Variants in DNM2 observed in about 807,000 individuals in gnomAD.
DNM2 encodes dynamin 2, also known as dynamin-2.
DNM2 carries 15 observed loss-of-function variants against 99.0 expected under a neutral mutation model. The observed-to-expected ratio is 0.15, with a 90% CI of 0.10 to 0.23. The LOEUF is 0.23. Among genes scored for constraint, DNM2 ranks in the 10% least tolerant of loss-of-function variants. DNM2 has a pLI of 1.00. For synonymous variants in DNM2, 525 were observed against 481.2 expected, an observed-to-expected ratio of 1.09 and a Z score of -1.19; for missense variants, 742 against 1,189.4, an observed-to-expected ratio of 0.62 and a Z score of 5.53.
At position 10,786,768 on chromosome 19, in the gene DNM2, G is replaced by C. The variant is rs555038511; in HGVS notation, c.992+62G>C. On this transcript the variant is annotated intron_variant, in intron 7 of 20. Transcript: ENST00000389253. ...GCCCCTGCCTTCCATCAGCCACAGG[G>C]CCCCCTAGGCTGGGCACCACTCATC... 2.1e-5 allele frequency: 33 copies of C among 1,607,838 alleles called. No homozygotes were observed. In the South Asian group the frequency reaches 2.9e-4, roughly 14 times the overall value.
intron 7 of DNM2, among the ~76,000 whole-genome samples, chr19:10,792,926 T>A (rs2071804667): frequency 6.6e-6 from 1 of 152,038 alleles, no homozygotes; most frequent in Admixed American, 6.6e-5. Context: ...TATTTTTTAA[T>A]AAAATGTGGT....
chr19:10,737,375 C>G (rs1014854588), intron 1 of DNM2, among the ~76,000 whole-genome samples: 1 of 152,114 alleles, frequency 6.6e-6, no homozygotes. Context: ...AAAGGCTCTC[C>G]CCCTGGCCAC....
At chr19:10,783,556 C>T (rs1032025763) in intron 6 of DNM2, among the ~76,000 whole-genome samples, 6 of 152,132 alleles carry the variant, frequency 3.9e-5, no homozygotes, top group Admixed American at 1.3e-4. Flanking sequence ...GCTACTATTA[C>T]AACCATCACT....
chr19:10,762,912 C>T (rs575939020), intron 2 of DNM2, among the ~76,000 whole-genome samples: 45 of 152,254 alleles, frequency 3.0e-4, no homozygotes, highest in Admixed American at 1.2e-3. Context: ...ATGGGTGTGG[C>T]AGCTGTGGTG....
chr19:10,727,162 T>A (rs1238349432), intron 1 of DNM2, among the ~76,000 whole-genome samples: 1 of 152,116 alleles, frequency 6.6e-6, no homozygotes, highest in Non-Finnish European at 1.5e-5. Context: ...AGGTTTATAA[T>A]CAGGAAGACA....
intron 18 of DNM2, 112 bp from the exon 19 acceptor site, chr19:10,828,924 C>A (rs1568323910): frequency 8.7e-7 from 1 of 1,154,304 alleles, no homozygotes; most frequent in Non-Finnish European, 1.3e-6. Context: ...GACTCTTTTT[C>A]AAAAAAGTCT....
intron 1 of DNM2, among the ~76,000 whole-genome samples, chr19:10,732,018 A>G (rs1161259016): frequency 1.3e-5 from 2 of 148,282 alleles, no homozygotes; most frequent in African/African-American, 2.5e-5. Flanking sequence ...GCAATGGTGC[A>G]ATCTCGGCTC....
Position 10,793,871 on chromosome 19 carries a change from G to A in DNM2, c.1128+16G>A. ...GCTGGTGAAGGTAGTGCCCCCCGGG[G>A]CTGGGCCCTCCCGTCTCTGGTCAGG... On this transcript the variant is annotated intron_variant, in intron 8 of 20. Coordinates refer to ENST00000389253, the MANE Select transcript of DNM2 (RefSeq NM_001005361.3). The A allele has an allele frequency of 6.2e-7, 1 of 1,614,072 alleles. No homozygotes were observed. Among genetic ancestry groups the A allele is most frequent in the South Asian group, 1.1e-5 (1 of 91,078 alleles).
At chr19:10,773,794 G>T (rs1341203737) in intron 3 of DNM2, among the ~76,000 whole-genome samples, 1 of 151,808 alleles carries the variant, frequency 6.6e-6, no homozygotes, top group Non-Finnish European at 1.5e-5. Flanking sequence ...TGTATTTTTA[G>T]TAGAGATGGG....
At chr19:10,746,981 C>T (rs911652547) in intron 1 of DNM2, among the ~76,000 whole-genome samples, 1 of 151,754 alleles carries the variant, frequency 6.6e-6, no homozygotes, top group Admixed American at 6.6e-5. Flanking sequence ...GGGTGATCTG[C>T]CCGCCTCGGC....
chr19:10,740,993 G>A (rs916770916), intron 1 of DNM2, among the ~76,000 whole-genome samples: 9 of 152,126 alleles, frequency 5.9e-5, no homozygotes, highest in African/African-American at 2.2e-4. Context: ...GCTTGGCCTC[G>A]AATACGGTGT....
chr19:10,728,003 G>T (rs931130414), intron 1 of DNM2, among the ~76,000 whole-genome samples: 2 of 152,164 alleles, frequency 1.3e-5, no homozygotes, highest in Non-Finnish European at 2.9e-5. Flanking sequence ...GTGGCCCTGC[G>T]TCTGAAGCAG....
At chr19:10,734,336 C>T (rs953384450) in intron 1 of DNM2, among the ~76,000 whole-genome samples, 17 of 131,118 alleles carry the variant, frequency 1.3e-4, no homozygotes, top group African/African-American at 4.8e-4. Flanking sequence ...GAGGGGGACT[C>T]TGTCTCAAAA....
chr19:10,800,148 C>A (rs76214626), intron 11 of DNM2, among the ~76,000 whole-genome samples: 2 of 152,218 alleles, frequency 1.3e-5, no homozygotes, highest in Non-Finnish European at 2.9e-5. Context: ...TGAGCCACTG[C>A]TCCCAGATCT....
In DNM2 at chr19:10,812,508, G is replaced by A. The variant is rs535909002; in HGVS notation, c.1671+131G>A. 2.9e-5 allele frequency: 20 copies of A among 693,482 alleles called. No individual in the cohort carries two copies. In the East Asian group the frequency reaches 3.6e-4, roughly 13 times the overall value. The allele number at this position is 693,482 out of a possible 1,614,324, so 43.0% of individuals were successfully genotyped here. ...TGAGTCACCATTAGGACTGTAACTC[G>A]CCGGGCACGGTGGCTCCCGCCTGTA... On this transcript the variant is annotated intron_variant, in intron 15 of 20. Transcript: ENST00000389253. The surrounding 1 kb of genome is among the most constrained non-coding windows in gnomAD (Gnocchi z 4.0).
At position 10,820,656 on chromosome 19, in the gene DNM2, C is replaced by T. The variant is rs533994126; in HGVS notation, c.1781+567C>T. ...GGTGGGGAAGGCAGCGGCAGGTAGGCCTGGAGACAGCCAAGAGCTCCATTT... is the reference window on the plus strand; with the variant it reads ...GGTGGGGAAGGCAGCGGCAGGTAGGTCTGGAGACAGCCAAGAGCTCCATTT... On this transcript the variant is annotated intron_variant, in intron 16 of 20. Coordinates refer to ENST00000389253, the MANE Select transcript of DNM2 (RefSeq NM_001005361.3). This position sits in a 1 kb window ranked among gnomAD's most constrained non-coding sequence, Gnocchi z 4.3. Among the ~76,000 whole-genome samples, 5 of 152,336 alleles carry T rather than the reference C, an allele frequency of 3.3e-5. No individual in the cohort carries two copies. In the South Asian group the frequency reaches 1.0e-3, roughly 32 times the overall value.
chr19:10,779,653 A>G (rs1348939851), intron 5 of DNM2, among the ~76,000 whole-genome samples: 1 of 151,444 alleles, frequency 6.6e-6, no homozygotes, highest in Non-Finnish European at 1.5e-5. Context: ...GATTACAGGC[A>G]TGTGCGATTG....
intron 2 of DNM2, among the ~76,000 whole-genome samples, chr19:10,761,064 C>T (rs981728599): frequency 2.0e-5 from 3 of 151,972 alleles, no homozygotes; most frequent in Non-Finnish European, 4.4e-5. Context: ...TCTCGGCTCA[C>T]TGCAACATCC....
chr19:10,737,864 G>T (rs1186360150), intron 1 of DNM2, among the ~76,000 whole-genome samples: 1 of 152,190 alleles, frequency 6.6e-6, no homozygotes, highest in Non-Finnish European at 1.5e-5. Flanking sequence ...TGGCTGTAGC[G>T]CAGTCCCTTG....
Sources: gnomAD v4.1 joint callset for allele counts (sites outside exome capture counted in the v4.1 genomes callset) on GRCh38, gnomAD v4.1.1 for gene constraint, Gnocchi (gnomAD v3.1) non-coding constraint, MANE v1.5 for transcripts, NCBI Gene and HGNC (gene_info 2026-07-23, HGNC 2026-07-21) for gene names.